WDR97: variants seen among roughly 807,000 people sequenced by gnomAD.
WDR97 encodes the protein WD repeat domain 97.
WDR97 carries 111 observed loss-of-function variants against 65.4 expected under a neutral mutation model. That is an observed-to-expected ratio of 1.70 (90% confidence interval 1.45 to 1.99). The LOEUF (loss-of-function observed/expected upper bound fraction) is 1.99. Ranked by LOEUF, WDR97 falls within the 30% of genes most tolerant of loss-of-function variation. The probability of loss-of-function intolerance (pLI) is 0.00; values close to 1 mark genes in which losing one functional copy is unlikely to be tolerated. For missense variants in WDR97, 1,674 were observed against 865.0 expected (o/e 1.94, Z -11.73); for synonymous variants, 802 against 397.7 (o/e 2.02, Z -12.10).
At position 144,111,695 on chromosome 8, in the gene WDR97, C is replaced by G. The variant is rs1421115617; in HGVS notation, c.2551C>G (p.Pro851Ala). ...GCAGTTGAGGCTGGGGCTAGTGGTC[C>G]CAGCAGCCCAGCCCCCACCCTCCTG... is the stretch of plus-strand genomic sequence containing the variant. The part of the protein sequence containing the change: ...LQQLRLGLVV[P>A]AAQPPPSWQQ... Residue 851 changes from proline to alanine, a missense_variant, in exon 12 of 24, where the codon CCA becomes GCA. Pro to Ala is a conservative substitution (Grantham distance 27). Transcript: ENST00000323662. 2.9e-6 allele frequency: 2 copies of G among 698,912 alleles called. No homozygotes were observed. Among genetic ancestry groups the G allele is most frequent in the African/African-American group, 3.5e-5 (2 of 57,098 alleles). The allele number at this position is 698,912 out of a possible 1,614,324, so 43.3% of individuals were successfully genotyped here.
At chr8:144,113,044 G>T in intron 15 of WDR97, 2 of 341,530 alleles carry the variant, frequency 5.9e-6, no homozygotes, top group Middle Eastern at 8.2e-4. Context: ...CTTTGGGCCT[G>T]GGTGCCACCA....
Position 144,110,102 on chromosome 8 carries a change from T to G in WDR97, c.1701-12T>G. On this transcript the variant is annotated splice_polypyrimidine_tract_variant and intron_variant, in intron 5 of 23. Coordinates refer to ENST00000323662, the MANE Select transcript of WDR97 (RefSeq NM_001316309.2). Reference sequence around the variant, plus strand: ...GGCAGGGTCCGCGCCAACAGGCTCTTCCCACTCGCAGGTACCTGCCAGTGG... The same window carrying G: ...GGCAGGGTCCGCGCCAACAGGCTCTGCCCACTCGCAGGTACCTGCCAGTGG... 1.4e-6 allele frequency: 1 copy of G among 701,738 alleles called. No homozygotes were observed. The highest frequency in any genetic ancestry group is 2.6e-6 in the Non-Finnish European group (1 of 384,304). 43.5% of individuals were successfully genotyped at this position (701,738 alleles called of 1,614,324 possible).
rs1288115082 is a variant in WDR97, at chr8:144,108,028, A to G, written c.113-31A>G. ...GTCAGGGTCGAGGACCTGAGGCTGT[A>G]GGTGGCAGAACTTCCAGTTCCTGCC... is the stretch of plus-strand genomic sequence containing the variant. On this transcript the variant is annotated intron_variant, in intron 1 of 23. Transcript: ENST00000323662. 1.3e-5 allele frequency: 9 copies of G among 702,642 alleles called. 1 individual carries two copies. The highest frequency in any genetic ancestry group is 1.2e-4 in the South Asian group (8 of 67,592). 43.5% of individuals were successfully genotyped at this position (702,642 alleles called of 1,614,324 possible). A position where few individuals can be genotyped will look rare whatever the true frequency, so the allele number is the denominator to read the frequency against.
rs1836521061 is a variant in WDR97, at chr8:144,110,360, G to A, written c.1863G>A (p.Lys621=). ...IVSSGGDLTV[K]MWRVFPYAEE... is the part of the protein sequence containing the mutation. ...CCACAGGTGGGGACCTGACGGTGAA[G>A]ATGTGGCGCGTCTTCCCCTATGCCG... is the stretch of plus-strand genomic sequence containing the variant. Residue 621 remains lysine, a synonymous_variant, in exon 7 of 24, where the codon AAG becomes AAA. Transcript: ENST00000323662. The A allele has an allele frequency of 1.4e-6, 1 of 702,834 alleles. No homozygotes were observed. Among genetic ancestry groups the A allele is most frequent in the African/African-American group, 1.7e-5 (1 of 57,270 alleles). The allele number at this position is 702,834 out of a possible 1,614,324, so 43.5% of individuals were successfully genotyped here. A position where few individuals can be genotyped will look rare whatever the true frequency, so the allele number is the denominator to read the frequency against.
chr8:144,116,436 G>A lies in WDR97; in HGVS notation c.*143G>A. The stretch of plus-strand genomic sequence containing the variant: ...GGGCCCCGGGGTGCGCACGGCGTGT[G>A]GGCGTGCGGCCTGAACCCACAGTGG... On this transcript the variant is annotated 3_prime_UTR_variant, in exon 24 of 24. Coordinates refer to ENST00000323662, the MANE Select transcript of WDR97 (RefSeq NM_001316309.2). 1 of 534,940 alleles carries A rather than the reference G, an allele frequency of 1.9e-6. No homozygotes were observed. Among genetic ancestry groups the A allele is most frequent in the African/African-American group, 2.0e-5 (1 of 50,054 alleles). 33.1% of individuals were successfully genotyped at this position (534,940 alleles called of 1,614,324 possible).
In WDR97 at chr8:144,109,425, C is replaced by G; in HGVS notation, c.1091C>G (p.Ala364Gly). Residue 364 changes from alanine (A) to glycine (G), a missense_variant, in exon 5 of 24, where the codon GCG becomes GGG. By Grantham distance (60) the Ala-to-Gly change is moderately conservative. Transcript: ENST00000323662. ...DGTLRTWDLQ[A>G]AAQVGEVALG... ...ACGCTACGCACCTGGGACCTGCAGG[C>G]GGCGGCGCAGGTGGGCGAGGTAGCG... 2.8e-6 allele frequency: 2 copies of G among 702,164 alleles called. No homozygotes were observed. Among genetic ancestry groups the G allele is most frequent in the Non-Finnish European group, 5.2e-6 (2 of 384,656 alleles). 43.5% of individuals were successfully genotyped at this position (702,164 alleles called of 1,614,324 possible).
In WDR97 at chr8:144,110,258, T is replaced by G. The variant is rs745916344; in HGVS notation, c.1843+2T>G. 1 of 702,280 alleles carries G rather than the reference T, an allele frequency of 1.4e-6. No individual in the cohort carries two copies. Among genetic ancestry groups the G allele is most frequent in the East Asian group, 2.7e-5 (1 of 37,222 alleles). 43.5% of individuals were successfully genotyped at this position (702,280 alleles called of 1,614,324 possible). A position where few individuals can be genotyped will look rare whatever the true frequency, so the allele number is the denominator to read the frequency against. ...CCTGGAACAGCATTGTGTCTTCGGG[T>G]CAGTAGCTCCCCTGCCAAAGGCCAG... On this transcript the variant is annotated splice_donor_variant, in intron 6 of 23. Coordinates refer to ENST00000323662, the MANE Select transcript of WDR97 (RefSeq NM_001316309.2). LOFTEE classifies it high-confidence loss of function.
intron 20 of WDR97, 23 bp from the exon 21 acceptor site, chr8:144,114,726 C>A (rs1294894711): frequency 4.3e-6 from 3 of 702,134 alleles, no homozygotes; most frequent in Non-Finnish European, 7.8e-6. Flanking sequence ...GGCCTCTGGA[C>A]AAGCCACATG....
In WDR97 at chr8:144,118,011, T is replaced by C. The variant is rs1429043519; in HGVS notation, c.*1718T>C. The C allele has an allele frequency of 6.6e-6, 1 of 152,192 alleles. No homozygotes were observed. The highest frequency in any genetic ancestry group is 1.5e-5 in the Non-Finnish European group (1 of 68,046). The allele number at this position is 152,192 out of a possible 1,614,324, so 9.4% of individuals were successfully genotyped here. Reference sequence around the variant, plus strand: ...AAAAGGTCAAAGAGAAAGATGCTGTTGTCTGAGTCTTGCCTCTGAGGCCTA... The same window carrying C: ...AAAAGGTCAAAGAGAAAGATGCTGTCGTCTGAGTCTTGCCTCTGAGGCCTA... On this transcript the variant is annotated 3_prime_UTR_variant, in exon 24 of 24. Coordinates refer to ENST00000323662, the MANE Select transcript of WDR97 (RefSeq NM_001316309.2).
At position 144,117,061 on chromosome 8, in the gene WDR97, T is replaced by G. The variant is rs1814769549; in HGVS notation, c.*768T>G. On this transcript the variant is annotated 3_prime_UTR_variant, in exon 24 of 24. Transcript: ENST00000323662. ...GTAGCCTCTGACTTTACTAGTTTCT[T>G]CTTGATGGCTCTGGTTAGAATCGCT... is the stretch of plus-strand genomic sequence containing the variant. 1 of 152,288 alleles carries G rather than the reference T, an allele frequency of 6.6e-6. No homozygotes were observed. The highest frequency in any genetic ancestry group is 2.1e-4 in the South Asian group (1 of 4,838). The allele number at this position is 152,288 out of a possible 1,614,324, so 9.4% of individuals were successfully genotyped here. A position where few individuals can be genotyped will look rare whatever the true frequency, so the allele number is the denominator to read the frequency against.
rs1836613148 is a variant in WDR97 at position 144,114,559 on chromosome 8, G to T, written c.3798G>T (p.Gln1266His). 1 of 702,842 alleles carries T rather than the reference G, an allele frequency of 1.4e-6. No individual in the cohort carries two copies. The highest frequency in any genetic ancestry group is 2.6e-6 in the Non-Finnish European group (1 of 385,008). 43.5% of individuals were successfully genotyped at this position (702,842 alleles called of 1,614,324 possible). A position where few individuals can be genotyped will look rare whatever the true frequency, so the allele number is the denominator to read the frequency against. Residue 1266 changes from glutamine (Q) to histidine (H), a missense_variant, in exon 20 of 24, where the codon CAG (glutamine) becomes CAT (histidine). Coordinates refer to ENST00000323662, the MANE Select transcript of WDR97 (RefSeq NM_001316309.2). The part of the protein sequence containing the change: ...NLDQPPSLQD[Q>H]TQKKFVILAL... ...ATCCCCACCGCCTGCCTCAGGACCA[G>T]ACACAGAAGAAGTTCGTGATACTGG...
In WDR97 at chr8:144,113,818, G is replaced by A; in HGVS notation, c.3345G>A (p.Trp1115Ter). ...AGAAGGAAGACGAGGAGCTGGACTG[G>A]GCCTTGGCTTCCCTGAGCCCGCACT... ...EEEKEDEELD[W>*]ALASLSPHSN... Residue 1115 changes from tryptophan (W) to a stop codon, truncating the protein, a stop_gained, in exon 17 of 24, where the codon TGG (tryptophan) becomes TGA (stop). Coordinates refer to ENST00000323662, the MANE Select transcript of WDR97 (RefSeq NM_001316309.2). LOFTEE classifies it high-confidence loss of function. 1 of 702,448 alleles carries A rather than the reference G, an allele frequency of 1.4e-6. No individual in the cohort carries two copies. The highest frequency in any genetic ancestry group is 2.6e-6 in the Non-Finnish European group (1 of 384,618). 43.5% of individuals were successfully genotyped at this position (702,448 alleles called of 1,614,324 possible). A position where few individuals can be genotyped will look rare whatever the true frequency, so the allele number is the denominator to read the frequency against.
intron 15 of WDR97, chr8:144,113,183 G>C (rs6558300): frequency 0.88 from 483,288 of 551,932 alleles, 216,264 homozygotes; most frequent in East Asian, 1. Context: ...AGGGCCCCTA[G>C]AAGCCAGCAC....
In WDR97 at chr8:144,109,798, G is replaced by A. The variant is rs1417595584; in HGVS notation, c.1464G>A (p.Ala488=). The A allele has an allele frequency of 7.4e-6, 5 of 672,356 alleles. No homozygotes were observed. The African/African-American group carries it at 7.5e-5, about 10-fold the overall frequency. 41.6% of individuals were successfully genotyped at this position (672,356 alleles called of 1,614,324 possible). ...TGGCCTACTGCCTGCCGCGCGAGGC[G>A]CTGTGGCTGCTGACCAGGGCTGGGC... The part of the protein sequence containing the change: ...AAVAYCLPRE[A]LWLLTRAGHL... Residue 488 remains alanine (A), a synonymous_variant, in exon 5 of 24, where the codon GCG becomes GCA. Transcript: ENST00000323662.
rs540823998 is a variant in WDR97 at position 144,108,651 on chromosome 8, G to A, written c.585G>A (p.Pro195=). ...GCGAGCAGGGGGTGGGCAGGGCCCC[G>A]GGTTGGGCGCCCACCTGCTGCCTGC... ...WLSEQGVGRA[P]GWAPTCCLPV... The change falls in exon 3 of 24, where the codon CCG becomes CCA. Residue 195 remains proline, a synonymous_variant. Coordinates refer to ENST00000323662, the MANE Select transcript of WDR97 (RefSeq NM_001316309.2). The A allele has an allele frequency of 7.1e-6, 5 of 700,490 alleles. No individual in the cohort carries two copies. The highest frequency in any genetic ancestry group is 5.9e-5 in the South Asian group (4 of 67,486). 43.4% of individuals were successfully genotyped at this position (700,490 alleles called of 1,614,324 possible).
intron 10 of WDR97, 75 bp from the exon 11 acceptor site, chr8:144,111,351 G>T (rs1411580808): frequency 1.4e-6 from 1 of 702,706 alleles, no homozygotes; most frequent in Admixed American, 2.0e-5. Context: ...TTTGGGGTTG[G>T]TCCTTGTCCC....
chr8:144,109,224 A>G (rs1017102735), intron 4 of WDR97, 54 bp downstream of exon 4: 3 of 702,148 alleles, frequency 4.3e-6, no homozygotes, highest in Admixed American at 2.0e-5. Flanking sequence ...CAGCCGCTCT[A>G]GGCTGTCCAG....
Position 144,116,185 on chromosome 8 carries a change from C to G in WDR97, c.4761C>G (p.Phe1587Leu). Residue 1587 changes from phenylalanine (F) to leucine (L), a missense_variant, in exon 24 of 24, where the codon TTC becomes TTG. Physicochemically the swap from Phe to Leu is conservative, Grantham distance 22. Coordinates refer to ENST00000323662, the MANE Select transcript of WDR97 (RefSeq NM_001316309.2). ...LPLPRVEPQP[F>L]PLDWPMPPRP... is the part of the protein sequence containing the mutation. ...TGCCGCGTGTGGAGCCGCAGCCTTT[C>G]CCCCTGGACTGGCCTATGCCCCCGC... is the stretch of plus-strand genomic sequence containing the variant. 1 of 699,962 alleles carries G rather than the reference C, an allele frequency of 1.4e-6. No individual in the cohort carries two copies. Among genetic ancestry groups the G allele is most frequent in the Non-Finnish European group, 2.6e-6 (1 of 383,500 alleles). 43.4% of individuals were successfully genotyped at this position (699,962 alleles called of 1,614,324 possible).
chr8:144,111,171 C>T lies in WDR97; in HGVS notation c.2375C>T (p.Thr792Ile), dbSNP rs1445748372. 1.4e-6 allele frequency: 1 copy of T among 702,806 alleles called. No homozygotes were observed. The highest frequency in any genetic ancestry group is 1.7e-5 in the African/African-American group (1 of 57,380). 43.5% of individuals were successfully genotyped at this position (702,806 alleles called of 1,614,324 possible). A position where few individuals can be genotyped will look rare whatever the true frequency, so the allele number is the denominator to read the frequency against. Residue 792 changes from threonine (T) to isoleucine (I), a missense_variant, in exon 10 of 24, where the codon ACT (threonine) becomes ATT (isoleucine). Coordinates refer to ENST00000323662, the MANE Select transcript of WDR97 (RefSeq NM_001316309.2). ...PLPLMSQESL[T>I]SAQLQRLTNL... is the part of the protein sequence containing the mutation. ...CCACTGATGAGCCAGGAGTCACTGA[C>T]TTCCGCCCAACTGCAGAGGCTCACC...
Sources: gnomAD v4.1 joint callset for allele counts on GRCh38, gnomAD v4.1.1 for gene constraint, MANE v1.5 for transcripts, NCBI Gene and HGNC (gene_info 2026-07-23, HGNC 2026-07-21) for gene names.